Variants in CEP192 observed in about 807,000 individuals in gnomAD.
CEP192 encodes the protein centrosomal protein 192.
In CEP192, 151 loss-of-function variants were observed where a neutral mutation model predicts 271.8. The ratio of observed to expected loss-of-function variants is 0.56; its 90% CI spans 0.49 to 0.64. The LOEUF is 0.64. Among genes scored for constraint, CEP192 ranks in the 30% least tolerant of loss-of-function variants. The pLI is 0.00. For missense variants in CEP192, 2,910 were observed against 3,020.5 expected (o/e 0.96, Z 0.86); for synonymous variants, 995 against 1,076.5 (o/e 0.92, Z 1.48).
At chr18:13,109,435 C>A (rs1489384398) in intron 40 of CEP192, among the ~76,000 whole-genome samples, 1 of 152,118 alleles carries the variant, frequency 6.6e-6, no homozygotes, top group African/African-American at 2.4e-5. Context: ...GGGTACTATG[C>A]TCAGTACCTG....
chr18:13,039,273 G>A (rs1331423213), intron 13 of CEP192, among the ~76,000 whole-genome samples: 1 of 152,010 alleles, frequency 6.6e-6, no homozygotes, highest in African/African-American at 2.4e-5. Context: ...GGCCAACATG[G>A]TGAAGCCCTG....
At chr18:13,043,169 G>C (rs2036300042) in intron 15 of CEP192, among the ~76,000 whole-genome samples, 1 of 152,164 alleles carries the variant, frequency 6.6e-6, no homozygotes, top group African/African-American at 2.4e-5. Flanking sequence ...ATGTTTGCTG[G>C]TCATTAGGAG....
intron 9 of CEP192, among the ~76,000 whole-genome samples, chr18:13,027,438 A>G (rs2035366011): frequency 6.6e-6 from 1 of 152,114 alleles, no homozygotes; most frequent in Non-Finnish European, 1.5e-5. Context: ...AGACTTTTCC[A>G]CACTGAGCCT....
intron 9 of CEP192, chr18:13,024,459 G>GTTTA (rs200229392): frequency 6.0e-5 from 22 of 367,674 alleles, no homozygotes; most frequent in South Asian, 1.2e-4. Context: ...GTGTTTGTTT[G>GTTTA]TTTATTTATT....
chr18:13,072,700 A>G (rs923848159), intron 28 of CEP192, 55 bp from the exon 29 acceptor site: 12 of 1,195,264 alleles, frequency 1.0e-5, no homozygotes, highest in Admixed American at 5.1e-5. Context: ...TATTCTTATA[A>G]TGGTAGCAAT....
chr18:13,009,515 A>AT (rs764601320), intron 4 of CEP192, among the ~76,000 whole-genome samples: 105 of 152,344 alleles, frequency 6.9e-4, no homozygotes, highest in Non-Finnish European at 1.4e-3. Context: ...TGCATTGGAA[A>AT]TACTCAAGGA....
In CEP192 at chr18:13,001,500, T is replaced by A; in HGVS notation, c.208T>A (p.Ser70Thr). 6.4e-7 allele frequency: 1 copy of A among 1,550,422 alleles called. No homozygotes were observed. The highest frequency in any genetic ancestry group is 1.2e-5 in the South Asian group (1 of 83,986). Residue 70 changes from serine (S) to threonine (T), a missense_variant, in exon 3 of 45, where the codon TCA (serine) becomes ACA (threonine). Coordinates refer to ENST00000506447, the MANE Select transcript of CEP192 (RefSeq NM_032142.4). ...QASYLVEGRF[S>T]VPSGSSPGSQ... ...ATCTTACTTAGTAGAAGGGAGATTT[T>A]CAGTTCCATCCGGGTCATCTCCCGG...
In CEP192 at chr18:13,047,835, C is replaced by G. The variant is rs73950980; in HGVS notation, c.2068-1024C>G. The stretch of plus-strand genomic sequence containing the variant: ...ATGAAATTACCAAGAATTATACTTG[C>G]AATCACAATGACTCAGTGGCTTTTC... On this transcript the variant is annotated intron_variant, in intron 15 of 44. Coordinates refer to ENST00000506447, the MANE Select transcript of CEP192 (RefSeq NM_032142.4). Among the ~76,000 whole-genome samples, 1,143 of 152,302 alleles carry G rather than the reference C, an allele frequency of 7.5e-3. 15 individuals are homozygous for G. Among genetic ancestry groups the G allele is most frequent in the African/African-American group, 0.026 (1,093 of 41,556 alleles).
intron 9 of CEP192, among the ~76,000 whole-genome samples, chr18:13,019,870 T>C (rs1046928256): frequency 1.3e-5 from 2 of 151,952 alleles, no homozygotes; most frequent in African/African-American, 4.8e-5. Context: ...CCCAGTGCAG[T>C]GGCGTGATCT....
At chr18:13,067,640 A>G (rs1324553052) in intron 21 of CEP192, among the ~76,000 whole-genome samples, 191 bp from the exon 22 acceptor site, 1 of 152,232 alleles carries the variant, frequency 6.6e-6, no homozygotes, top group African/African-American at 2.4e-5. Flanking sequence ...TACATAGACT[A>G]CCTCAAAAGA....
rs1432693602 is a variant in CEP192, at chr18:13,007,064, G to A, written c.291-1392G>A. 5.3e-5 allele frequency among the ~76,000 whole-genome samples: 8 copies of A among 152,102 alleles called. No homozygotes were observed. The East Asian group carries it at 1.5e-3, about 29-fold the overall frequency. On this transcript the variant is annotated intron_variant, in intron 3 of 44. Transcript: ENST00000506447. ...CTGACTGTAGTCAAGGAACATTTTTGTGTTTCTCCCTGGCAGATTTGTTTC... is the reference window on the plus strand; with the variant it reads ...CTGACTGTAGTCAAGGAACATTTTTATGTTTCTCCCTGGCAGATTTGTTTC...
At chr18:13,124,262 C>G (rs2040805298) in intron 44 of CEP192, among the ~76,000 whole-genome samples, 1 of 152,124 alleles carries the variant, frequency 6.6e-6, no homozygotes, top group African/African-American at 2.4e-5. Context: ...AATATGCTGT[C>G]TGGACTGAGT....
intron 9 of CEP192, among the ~76,000 whole-genome samples, chr18:13,027,122 T>G (rs937695174): frequency 9.9e-5 from 15 of 152,122 alleles, no homozygotes; most frequent in Admixed American, 1.3e-4. Context: ...TGTTTCTCAG[T>G]TTTTTCCTCC....
At chr18:13,012,203 T>A (rs2034401537) in intron 4 of CEP192, among the ~76,000 whole-genome samples, 1 of 152,174 alleles carries the variant, frequency 6.6e-6, no homozygotes, top group Non-Finnish European at 1.5e-5. Context: ...TTTGGAATAA[T>A]GAAAATAGTG....
chr18:13,022,769 G>A (rs1482642885), intron 9 of CEP192, among the ~76,000 whole-genome samples: 1 of 152,214 alleles, frequency 6.6e-6, no homozygotes, highest in Non-Finnish European at 1.5e-5. Flanking sequence ...TATAGGTGAA[G>A]TTGGGAAGAA....
chr18:13,044,418 G>A (rs2036370138), intron 15 of CEP192, among the ~76,000 whole-genome samples: 1 of 139,904 alleles, frequency 7.1e-6, no homozygotes, highest in East Asian at 2.5e-4. Flanking sequence ...CATGGTGTAA[G>A]GTTTTTGTTT....
At chr18:13,081,489 T>C (rs2038605069) in intron 30 of CEP192, among the ~76,000 whole-genome samples, 2 of 152,208 alleles carry the variant, frequency 1.3e-5, no homozygotes, top group Non-Finnish European at 2.9e-5. Context: ...ATATCCCCTT[T>C]ACCATTGTTT....
chr18:13,093,441 G>A (rs1407855593), intron 34 of CEP192, among the ~76,000 whole-genome samples: 1 of 152,168 alleles, frequency 6.6e-6, no homozygotes, highest in East Asian at 1.9e-4. Context: ...GAGTTCCTTA[G>A]CCTTTCCTTA....
At chr18:13,017,164 G>GT (rs1481443596) in intron 6 of CEP192, 24 bp from the exon 7 acceptor site, 6 of 1,523,082 alleles carry the variant, frequency 3.9e-6, no homozygotes, top group African/African-American at 1.4e-5. Context: ...AGCATGTCCT[G>GT]TTTTTTCTCG....
Sources: allele counts gnomAD v4.1 joint callset (sites outside exome capture counted in the v4.1 genomes callset), GRCh38; gene constraint gnomAD v4.1.1; transcripts MANE v1.5; gene names NCBI Gene and HGNC (gene_info 2026-07-23, HGNC 2026-07-21).